MYO7B: variants seen among roughly 807,000 people sequenced by gnomAD.
MYO7B encodes myosin VIIB, also known as unconventional myosin-VIIb.
Under a neutral mutation model 259.7 loss-of-function variants are expected in MYO7B, and 212 were observed. The observed-to-expected ratio is 0.82, with a 90% CI of 0.73 to 0.91. The LOEUF is 0.91. Among genes scored for constraint, MYO7B ranks in the 40% least tolerant of loss-of-function variants. The pLI, the probability that MYO7B is intolerant of heterozygous loss-of-function variation, is 0.00. For missense variants in MYO7B, 2,732 were observed against 2,813.5 expected, an observed-to-expected ratio of 0.97 and a Z score of 0.66; for synonymous variants, 1,197 against 1,166.4, an observed-to-expected ratio of 1.03 and a Z score of -0.54.
At chr2:127,594,067 C>T (rs566103932) in intron 18 of MYO7B, among the ~76,000 whole-genome samples, 2 of 152,262 alleles carry the variant, frequency 1.3e-5, no homozygotes, top group Admixed American at 6.5e-5. Context: ...CTGCAGAGCC[C>T]GGAGGGCTAC....
At position 127,624,079 on chromosome 2, in the gene MYO7B, G is replaced by A. The variant is rs1283691448; in HGVS notation, c.3820-14G>A. 5 of 1,547,970 alleles carry A rather than the reference G, an allele frequency of 3.2e-6. No individual in the cohort carries two copies. The highest frequency in any genetic ancestry group is 2.4e-5 in the East Asian group (1 of 41,086). On this transcript the variant is annotated splice_polypyrimidine_tract_variant and intron_variant, in intron 29 of 47. Transcript: ENST00000409816. The stretch of plus-strand genomic sequence containing the variant: ...CAACAGCCGCTAACCCCTGCTCCCC[G>A]ACTCTGGCCTCAGTTCTGGTCCCTG...
chr2:127,562,285 A>G (rs1678121280), intron 2 of MYO7B, among the ~76,000 whole-genome samples: 1 of 151,826 alleles, frequency 6.6e-6, no homozygotes, highest in Non-Finnish European at 1.5e-5. Flanking sequence ...TCCTAATTCT[A>G]ATTTTATTTT....
In MYO7B at chr2:127,637,578, G is replaced by A. The variant is rs1681924454; in HGVS notation, c.*161G>A. 3.6e-6 allele frequency: 2 copies of A among 551,392 alleles called. No individual in the cohort carries two copies. The highest frequency in any genetic ancestry group is 3.5e-5 in the Admixed American group (1 of 28,362). The allele number at this position is 551,392 out of a possible 1,614,324, so 34.2% of individuals were successfully genotyped here. A position where few individuals can be genotyped will look rare whatever the true frequency, so the allele number is the denominator to read the frequency against. On this transcript the variant is annotated 3_prime_UTR_variant, in exon 48 of 48. Coordinates refer to ENST00000409816, the MANE Select transcript of MYO7B (RefSeq NM_001393586.1). Reference sequence around the variant, plus strand: ...CCCCGCAGGCGGCCCCCTCTGTCCTGGGCGCTGCCCAGGGAGGCCAAAAGA... The same window carrying A: ...CCCCGCAGGCGGCCCCCTCTGTCCTAGGCGCTGCCCAGGGAGGCCAAAAGA...
intron 40 of MYO7B, 33 bp downstream of exon 40, chr2:127,633,396 T>C (rs1031450160): frequency 1.2e-6 from 2 of 1,601,456 alleles, no homozygotes; most frequent in African/African-American, 2.7e-5. Flanking sequence ...ACGGCAAGTC[T>C]CAGGCCTCCA....
chr2:127,536,583 C>T (rs909041311), intron 1 of MYO7B, among the ~76,000 whole-genome samples: 7 of 152,004 alleles, frequency 4.6e-5, no homozygotes, highest in Admixed American at 1.3e-4. Flanking sequence ...TCACAGAGGA[C>T]GAAACTTGAG....
In MYO7B at chr2:127,538,052, C is replaced by T. The variant is rs372797677; in HGVS notation, c.-24+2221C>T. ...CATGTACACCAGAGGCACAGACCTC[C>T]GGCATTGAGTGGTCAGAGGAGGCGG... On this transcript the variant is annotated intron_variant, in intron 1 of 47. Transcript: ENST00000409816. Among the ~76,000 whole-genome samples, 31 of 152,130 alleles carry T rather than the reference C, an allele frequency of 2.0e-4. No individual in the cohort carries two copies. In the East Asian group the frequency reaches 4.4e-3, roughly 22 times the overall value.
At chr2:127,574,126 C>T in intron 7 of MYO7B, 64 bp downstream of exon 7, 1 of 1,592,462 alleles carries the variant, frequency 6.3e-7, no homozygotes, top group Non-Finnish European at 8.6e-7. Context: ...AGAGGGGCCC[C>T]TTTCCCACTC....
At chr2:127,606,272 C>G (rs1444843427) in intron 20 of MYO7B, among the ~76,000 whole-genome samples, 1 of 152,226 alleles carries the variant, frequency 6.6e-6, no homozygotes, top group Non-Finnish European at 1.5e-5. Flanking sequence ...ATTCTTTGTT[C>G]CAAGTACCTT....
intron 39 of MYO7B, 40 bp downstream of exon 39, chr2:127,632,441 C>G (rs918767328): frequency 6.0e-6 from 9 of 1,499,382 alleles, no homozygotes; most frequent in Non-Finnish European, 7.1e-6. Flanking sequence ...TGGCCCTGGG[C>G]CCGCAGACCT....
At chr2:127,604,315 T>C (rs1680081057) in intron 19 of MYO7B, among the ~76,000 whole-genome samples, 1 of 152,220 alleles carries the variant, frequency 6.6e-6, no homozygotes, top group African/African-American at 2.4e-5. Flanking sequence ...GCTTCATACT[T>C]TTCTTCTGCA....
At position 127,570,527 on chromosome 2, in the gene MYO7B, A is replaced by G. The variant is rs564026228; in HGVS notation, c.592+617A>G. Among the ~76,000 whole-genome samples, 21 of 152,346 alleles carry G rather than the reference A, an allele frequency of 1.4e-4. No individual in the cohort carries two copies. In the South Asian group the frequency reaches 4.3e-3, roughly 32 times the overall value. On this transcript the variant is annotated intron_variant, in intron 6 of 47. Transcript: ENST00000409816. Reference sequence around the variant, plus strand: ...GGCCTCAGTCTAGTCGGGGCTGCCCAGAAGCCCGTGGCCTCGGCCCCAAGG... The same window carrying G: ...GGCCTCAGTCTAGTCGGGGCTGCCCGGAAGCCCGTGGCCTCGGCCCCAAGG...
chr2:127,634,452 A>T, intron 41 of MYO7B, 144 bp from the exon 42 acceptor site: 1 of 873,906 alleles, frequency 1.1e-6, no homozygotes, highest in South Asian at 1.6e-5. Context: ...GAGCAGAGCC[A>T]GCTCCACACG....
At position 127,627,324 on chromosome 2, in the gene MYO7B, G is replaced by A; in HGVS notation, c.4460+14G>A. The A allele has an allele frequency of 1.2e-6, 2 of 1,612,792 alleles. No individual in the cohort carries two copies. The highest frequency in any genetic ancestry group is 1.7e-6 in the Non-Finnish European group (2 of 1,179,704). On this transcript the variant is annotated intron_variant, in intron 33 of 47. Coordinates refer to ENST00000409816, the MANE Select transcript of MYO7B (RefSeq NM_001393586.1). This position sits in a 1 kb window ranked among gnomAD's most constrained non-coding sequence, Gnocchi z 5.6. ...GGCCACCAACAGGTGCGGGCCCTGA[G>A]GGAAGATCTCTTCTTACACACTGAG...
At position 127,596,485 on chromosome 2, in the gene MYO7B, G is replaced by A; in HGVS notation, c.2268G>A (p.Glu756=). The change falls in exon 19 of 48, where the codon GAG becomes GAA. Residue 756 remains glutamate (E), a synonymous_variant. Coordinates refer to ENST00000409816, the MANE Select transcript of MYO7B (RefSeq NM_001393586.1). ...FLRDHQDTLL[E]VQRSQVLDRA... ...AGGATCATCAGGACACTCTGCTGGA[G>A]GTACAGAGAAGCCAGGTGCTAGACA... is the stretch of plus-strand genomic sequence containing the variant. 1 of 1,613,584 alleles carries A rather than the reference G, an allele frequency of 6.2e-7. No individual in the cohort carries two copies. Among genetic ancestry groups the A allele is most frequent in the Non-Finnish European group, 8.5e-7 (1 of 1,179,724 alleles).
At chr2:127,620,636 A>G (rs1376349167) in intron 27 of MYO7B, among the ~76,000 whole-genome samples, 170 bp downstream of exon 27, 2 of 152,210 alleles carry the variant, frequency 1.3e-5, no homozygotes, top group East Asian at 3.9e-4. Context: ...CAGTTTCCCC[A>G]TCTGGAAAAG....
chr2:127,546,805 A>ATCCATCC lies in MYO7B; in HGVS notation c.-24+10974_-24+10975insTCCATCC, dbSNP rs1558791548. Among the ~76,000 whole-genome samples, 1 of 132,146 alleles carries ATCCATCC rather than the reference A, an allele frequency of 7.6e-6. No homozygotes were observed. Among genetic ancestry groups the ATCCATCC allele is most frequent in the African/African-American group, 3.1e-5 (1 of 31,984 alleles). 86.7% of individuals were successfully genotyped at this position (132,146 alleles called of 152,430 possible). ...CCATCCATCCATCCATCCATCCATC[A>ATCCATCC]ATCCATTCATCTGTTTGTTCATTCA... On this transcript the variant is annotated intron_variant, in intron 1 of 47. Transcript: ENST00000409816. The surrounding 1 kb of genome is among the most constrained non-coding windows in gnomAD (Gnocchi z 4.2).
intron 6 of MYO7B, 69 bp from the exon 7 acceptor site, chr2:127,573,851 A>G: frequency 1.3e-6 from 2 of 1,590,536 alleles, no homozygotes; most frequent in Non-Finnish European, 1.7e-6. Context: ...AAGCCCTCTT[A>G]CATGATCCCA....
At chr2:127,542,453 T>A (rs1421851583) in intron 1 of MYO7B, among the ~76,000 whole-genome samples, 1 of 152,200 alleles carries the variant, frequency 6.6e-6, no homozygotes, top group East Asian at 1.9e-4. Context: ...GGCTCCCCAC[T>A]GAGCTTGGCA....
In MYO7B at chr2:127,588,385, T is replaced by C. The variant is rs10928773; in HGVS notation, c.1691-7T>C. ...TGGGATGCTGGGTGGGCCCTGTGTCTCCACAGGCTTCCTGGAGAAGAACCG... is the reference window on the plus strand; with the variant it reads ...TGGGATGCTGGGTGGGCCCTGTGTCCCCACAGGCTTCCTGGAGAAGAACCG... On this transcript the variant is annotated splice_region_variant and splice_polypyrimidine_tract_variant and intron_variant, in intron 14 of 47. Transcript: ENST00000409816. 663,421 of 1,611,110 alleles carry C rather than the reference T, an allele frequency of 0.41. 143,865 individuals carry two copies. Among genetic ancestry groups the C allele is most frequent in the East Asian group, 0.69 (30,863 of 44,822 alleles).
Sources: allele counts gnomAD v4.1 joint callset (sites outside exome capture counted in the v4.1 genomes callset), GRCh38; gene constraint gnomAD v4.1.1; non-coding constraint Gnocchi (gnomAD v3.1); transcripts MANE v1.5; gene names NCBI Gene and HGNC (gene_info 2026-07-23, HGNC 2026-07-21).